The following CLNS1A variants were observed in gnomAD, a reference collection of about 807,000 sequenced individuals.
The protein encoded by CLNS1A is chloride nucleotide-sensitive channel 1A.
Under a neutral mutation model 29.4 loss-of-function variants are expected in CLNS1A, and 16 were observed. The observed-to-expected ratio is 0.54, with a 90% CI of 0.37 to 0.83. The LOEUF is 0.83. CLNS1A is among the 40% of genes least tolerant of loss of function. CLNS1A has a pLI of 0.00. For missense variants in CLNS1A, 235 were observed against 287.4 expected (o/e 0.82, Z 1.32); for synonymous variants, 96 against 104.8 (o/e 0.92, Z 0.51).
chr11:77,617,619 A>AGTGGC (rs1335812001), intron 6 of CLNS1A, among the ~76,000 whole-genome samples: 12 of 151,936 alleles, frequency 7.9e-5, no homozygotes, highest in Non-Finnish European at 1.8e-4. Context: ...AACATTATAC[A>AGTGGC]TAATGTTTAT....
intron 5 of CLNS1A, among the ~76,000 whole-genome samples, chr11:77,620,858 T>C (rs1458093248): frequency 6.7e-6 from 1 of 149,754 alleles, no homozygotes; most frequent in Non-Finnish European, 1.5e-5. Context: ...GGCACATGCC[T>C]GTAATCCCAA....
At chr11:77,628,912 T>C (rs1959047473) in intron 2 of CLNS1A, among the ~76,000 whole-genome samples, 1 of 152,212 alleles carries the variant, frequency 6.6e-6, no homozygotes, top group Non-Finnish European at 1.5e-5. Context: ...CATCTGTGCA[T>C]AGCAGAATAT....
intron 1 of CLNS1A, among the ~76,000 whole-genome samples, chr11:77,633,084 C>CAA (rs887085397): frequency 6.1e-3 from 332 of 54,726 alleles, no homozygotes; most frequent in African/African-American, 0.013. Context: ...GACTCCATCT[C>CAA]AAAAAAAAAA....
rs1959057739 is a variant in CLNS1A at position 77,629,861 on chromosome 11, G to A, written c.164C>T (p.Ser55Leu). The part of the protein sequence containing the change: ...SWLDGSGLGF[S>L]LEYPTISLHA... ...TAAACTAATGGTGGGGTATTCCAGT[G>A]AGAATCCTAATCCAGAGCCATCTAA... The change falls in exon 2 of 7, where the codon TCA (serine) becomes TTA (leucine). Residue 55 changes from serine to leucine, a missense_variant. By Grantham distance (145) the Ser-to-Leu change is moderately radical. Coordinates refer to ENST00000525428, the MANE Select transcript of CLNS1A (RefSeq NM_001293.3). 14 of 1,613,838 alleles carry A rather than the reference G, an allele frequency of 8.7e-6. No individual in the cohort carries two copies. The highest frequency in any genetic ancestry group is 1.2e-5 in the Non-Finnish European group (14 of 1,179,878).
At chr11:77,628,031 G>A (rs775288573) in intron 2 of CLNS1A, among the ~76,000 whole-genome samples, 4 of 152,084 alleles carry the variant, frequency 2.6e-5, no homozygotes, top group Non-Finnish European at 5.9e-5. Flanking sequence ...TCACCATGTT[G>A]GCCAGGATGG....
At position 77,614,653 on chromosome 11, in the gene CLNS1A, A is replaced by G. The variant is rs976598641; in HGVS notation, c.*2065T>C. On this transcript the variant is annotated 3_prime_UTR_variant, in exon 7 of 7. Coordinates refer to ENST00000525428, the MANE Select transcript of CLNS1A (RefSeq NM_001293.3). ...TGAGCCACCACGTCCGGCTGGGACC[A>G]TATCTTAATGAATACATTTTTTAAA... 4 of 152,226 alleles carry G rather than the reference A, an allele frequency of 2.6e-5. No homozygotes were observed. The highest frequency in any genetic ancestry group is 5.9e-5 in the Non-Finnish European group (4 of 68,064). The allele number at this position is 152,226 out of a possible 1,614,324, so 9.4% of individuals were successfully genotyped here. A position where few individuals can be genotyped will look rare whatever the true frequency, so the allele number is the denominator to read the frequency against.
At chr11:77,629,399 CT>C (rs779725502) in intron 2 of CLNS1A, among the ~76,000 whole-genome samples, 406 of 141,762 alleles carry the variant, frequency 2.9e-3, no homozygotes, top group Admixed American at 3.0e-3. Context: ...TCTTTTTTTT[CT>C]TTTTTTTTTT....
chr11:77,631,342 G>C (rs1190202034), intron 1 of CLNS1A, among the ~76,000 whole-genome samples: 2 of 141,722 alleles, frequency 1.4e-5, no homozygotes, highest in Non-Finnish European at 3.0e-5. Context: ...TTTTTTTTTA[G>C]ACAGAGTCTC....
chr11:77,626,635 T>C (rs1290555493), intron 2 of CLNS1A, among the ~76,000 whole-genome samples: 1 of 147,052 alleles, frequency 6.8e-6, no homozygotes, highest in Admixed American at 6.7e-5. Context: ...TGAGACTCCA[T>C]CACAAAAAAA....
At chr11:77,621,698 T>A (rs1401631970) in intron 5 of CLNS1A, among the ~76,000 whole-genome samples, 1 of 152,242 alleles carries the variant, frequency 6.6e-6, no homozygotes, top group Non-Finnish European at 1.5e-5. Context: ...GGCTAGGCAA[T>A]GGTGTCCAGA....
chr11:77,625,941 T>C, intron 2 of CLNS1A, 123 bp from the exon 3 acceptor site: 1 of 904,022 alleles, frequency 1.1e-6, no homozygotes, highest in Non-Finnish European at 1.6e-6. Context: ...TATTTCCAAT[T>C]ATGGTTGAAA....
chr11:77,624,803 A>G (rs376170124), intron 4 of CLNS1A, among the ~76,000 whole-genome samples, 160 bp downstream of exon 4: 2 of 151,688 alleles, frequency 1.3e-5, no homozygotes, highest in South Asian at 2.1e-4. Context: ...TGGGCAACAA[A>G]AGCGAAAACT....
chr11:77,631,118 A>T (rs1590802675), intron 1 of CLNS1A, among the ~76,000 whole-genome samples: 1 of 152,314 alleles, frequency 6.6e-6, no homozygotes, highest in East Asian at 1.9e-4. Context: ...CTTGGGCAGG[A>T]ACAATGACAG....
chr11:77,625,625 T>G, intron 3 of CLNS1A, 92 bp downstream of exon 3: 4 of 1,056,734 alleles, frequency 3.8e-6, no homozygotes, highest in South Asian at 1.7e-5. Context: ...GTGGTAAAGG[T>G]GAGAGGTGTG....
chr11:77,636,581 C>A (rs977172373), intron 1 of CLNS1A, among the ~76,000 whole-genome samples: 1 of 152,126 alleles, frequency 6.6e-6, no homozygotes, highest in Admixed American at 6.5e-5. Context: ...ATTTTGGCCC[C>A]ACGACCTTCA....
chr11:77,618,240 G>A (rs1051684950), intron 6 of CLNS1A, among the ~76,000 whole-genome samples: 1 of 152,140 alleles, frequency 6.6e-6, no homozygotes, highest in African/African-American at 2.4e-5. Flanking sequence ...CAATAAAACA[G>A]TTACTAAAAC....
intron 2 of CLNS1A, among the ~76,000 whole-genome samples, chr11:77,627,784 G>C (rs934400282): frequency 6.6e-6 from 1 of 152,160 alleles, no homozygotes; most frequent in African/African-American, 2.4e-5. Context: ...TTCAGGCTCA[G>C]AGAAATGCAA....
intron 1 of CLNS1A, among the ~76,000 whole-genome samples, chr11:77,637,269 A>C (rs1959138736): frequency 6.9e-6 from 1 of 145,408 alleles, no homozygotes; most frequent in Admixed American, 6.8e-5. Flanking sequence ...AGAAAATAAA[A>C]GAAAGAAAGA....
chr11:77,625,630 GGTGT>G (rs139539521), intron 3 of CLNS1A, 83 bp downstream of exon 3: 84 of 1,023,846 alleles, frequency 8.2e-5, no homozygotes, highest in South Asian at 1.0e-4. Flanking sequence ...AAAGGTGAGA[GGTGT>G]GTGTGTGTGT....
Sources: allele counts gnomAD v4.1 joint callset (sites outside exome capture counted in the v4.1 genomes callset), GRCh38; gene constraint gnomAD v4.1.1; transcripts MANE v1.5; gene names NCBI Gene and HGNC (gene_info 2026-07-23, HGNC 2026-07-21).